Variants in USP22 observed in about 807,000 individuals in gnomAD.
USP22 encodes ubiquitin specific peptidase 22, also known as ubiquitin carboxyl-terminal hydrolase 22.
Under a neutral mutation model 68.1 loss-of-function variants are expected in USP22, and 22 were observed. The ratio of observed to expected loss-of-function variants is 0.32; its 90% confidence interval spans 0.23 to 0.46. USP22 has a LOEUF of 0.46. Ranked by LOEUF, USP22 falls within the 20% of genes least tolerant of loss-of-function variation. The pLI is 1.00. For synonymous variants in USP22, 279 were observed against 274.2 expected (o/e 1.02, Z -0.17); for missense variants, 433 against 695.8 (o/e 0.62, Z 4.25).
intron 3 of USP22, among the ~76,000 whole-genome samples, chr17:21,020,244 C>CAAAAAAAAAAAAAAA (rs3047597): frequency 4.8e-4 from 35 of 73,280 alleles, no homozygotes; most frequent in East Asian, 6.4e-4. Context: ...AATCAAAAAC[C>CAAAAAAAAAAAAAAA]AAAAAAAAAA....
chr17:21,026,757 G>T (rs972238709), intron 2 of USP22, among the ~76,000 whole-genome samples: 3 of 151,726 alleles, frequency 2.0e-5, no homozygotes, highest in Admixed American at 2.0e-4. Flanking sequence ...TTGAGCCCAG[G>T]AGTTCAAGAC....
intron 5 of USP22, among the ~76,000 whole-genome samples, chr17:21,016,211 T>C (rs531225847): frequency 5.3e-5 from 8 of 152,320 alleles, no homozygotes; most frequent in Admixed American, 4.6e-4. Context: ...AATACTAGTT[T>C]CCTCAAAGCA....
intron 1 of USP22, among the ~76,000 whole-genome samples, chr17:21,030,505 T>C (rs1181687697): frequency 6.6e-6 from 1 of 152,098 alleles, no homozygotes; most frequent in East Asian, 1.9e-4. Flanking sequence ...CGGGAAAAGA[T>C]TACCTCTACA....
At chr17:21,041,069 G>A (rs1027313630) in intron 1 of USP22, among the ~76,000 whole-genome samples, 1 of 151,814 alleles carries the variant, frequency 6.6e-6, no homozygotes, top group Admixed American at 6.6e-5. Context: ...ATTTTTAGTA[G>A]AGATGAGGTT....
At chr17:21,035,374 C>A (rs1044053658) in intron 1 of USP22, among the ~76,000 whole-genome samples, 1 of 152,158 alleles carries the variant, frequency 6.6e-6, no homozygotes, top group African/African-American at 2.4e-5. Context: ...ATCCATTAGG[C>A]GGGTCATTTT....
intron 1 of USP22, among the ~76,000 whole-genome samples, chr17:21,034,031 G>A (rs577384038): frequency 1.8e-4 from 28 of 151,944 alleles, no homozygotes; most frequent in African/African-American, 6.5e-4. Context: ...TTACAGGCAT[G>A]AGCCACCGTG....
At chr17:21,010,428 G>A (rs939987834) in intron 8 of USP22, among the ~76,000 whole-genome samples, 9 of 151,992 alleles carry the variant, frequency 5.9e-5, no homozygotes, top group African/African-American at 2.2e-4. Flanking sequence ...ATGCCTGTGA[G>A]CACTTTGGGA....
intron 1 of USP22, among the ~76,000 whole-genome samples, chr17:21,032,426 G>T (rs1236337414): frequency 6.6e-6 from 1 of 152,216 alleles, no homozygotes; most frequent in African/African-American, 2.4e-5. Flanking sequence ...AGACACAGGA[G>T]TAAGGTAGCA....
At chr17:21,003,206 CT>C in intron 12 of USP22, 133 bp from the exon 13 acceptor site, 4 of 1,035,960 alleles carry the variant, frequency 3.9e-6, no homozygotes, top group East Asian at 2.5e-5. Context: ...ATGGTTTTGG[CT>C]TTTTAGTCCG....
rs116151592 is a variant in USP22, at chr17:21,004,911, C to G, written c.1385+17G>C. ...GGCCAGAGGCCCTGGACACCCACAC[C>G]GCTAAGCACCACTTACTTGTTGTCA... On this transcript the variant is annotated intron_variant, in intron 11 of 12. Coordinates refer to ENST00000261497, the MANE Select transcript of USP22 (RefSeq NM_015276.2). The G allele has an allele frequency of 6.2e-7, 1 of 1,613,786 alleles. No homozygotes were observed. Among genetic ancestry groups the G allele is most frequent in the African/African-American group, 1.3e-5 (1 of 74,918 alleles).
chr17:21,042,605 G>GC, intron 1 of USP22, 60 bp downstream of exon 1: 2 of 1,257,536 alleles, frequency 1.6e-6, no homozygotes, highest in Non-Finnish European at 2.0e-6. Context: ...CCCTCCGCCG[G>GC]CCGGCCTCAG....
At chr17:21,027,973 A>C (rs74256011) in intron 2 of USP22, among the ~76,000 whole-genome samples, 1 of 152,094 alleles carries the variant, frequency 6.6e-6, no homozygotes, top group East Asian at 1.9e-4. Context: ...ATCTCAAAAA[A>C]AAGAAAAAGC....
chr17:21,011,083 T>A, intron 8 of USP22, 68 bp downstream of exon 8: 1 of 1,514,380 alleles, frequency 6.6e-7, no homozygotes, highest in Non-Finnish European at 8.8e-7. Flanking sequence ...AGCCCTGCTT[T>A]GGTCCTGATG....
At chr17:21,034,489 A>G (rs974225486) in intron 1 of USP22, among the ~76,000 whole-genome samples, 1 of 152,332 alleles carries the variant, frequency 6.6e-6, no homozygotes, top group Admixed American at 6.5e-5. Flanking sequence ...CAGTCTGAAA[A>G]TAGTAACATG....
At chr17:21,009,958 CAAAAAAAAAAAATTA>C (rs909442149) in intron 8 of USP22, among the ~76,000 whole-genome samples, 4 of 107,120 alleles carry the variant, frequency 3.7e-5, no homozygotes, top group South Asian at 3.0e-4. Flanking sequence ...GACTCCGTCT[CAAAAAAAAAAAATTA>C]AAAAAAAAAA....
Position 21,042,901 on chromosome 17 carries a change from C to A in USP22, c.-66G>T. The A allele has an allele frequency of 9.1e-7, 1 of 1,098,074 alleles. No individual in the cohort carries two copies. Among genetic ancestry groups the A allele is most frequent in the Non-Finnish European group, 1.1e-6 (1 of 871,544 alleles). 68.0% of individuals were successfully genotyped at this position (1,098,074 alleles called of 1,614,324 possible). A position where few individuals can be genotyped will look rare whatever the true frequency, so the allele number is the denominator to read the frequency against. ...GGAGGCGAGGACGACGCCAGCGCGG[C>A]GTGGGGGCTGCTCGGCGGCTGGCCA... On this transcript the variant is annotated 5_prime_UTR_variant, in exon 1 of 13. Coordinates refer to ENST00000261497, the MANE Select transcript of USP22 (RefSeq NM_015276.2).
intron 1 of USP22, among the ~76,000 whole-genome samples, chr17:21,030,590 T>TGGC (rs1972277788): frequency 1.3e-5 from 2 of 152,196 alleles, no homozygotes; most frequent in African/African-American, 2.4e-5. Flanking sequence ...GAGAACAACA[T>TGGC]GGCGGCGCCT....
At chr17:21,033,592 A>G (rs1459094765) in intron 1 of USP22, among the ~76,000 whole-genome samples, 2 of 152,166 alleles carry the variant, frequency 1.3e-5, no homozygotes, top group Admixed American at 6.5e-5. Context: ...TGCAAACATG[A>G]CACACCACCT....
At chr17:21,007,249 C>T (rs1337198893) in intron 9 of USP22, among the ~76,000 whole-genome samples, 3 of 152,162 alleles carry the variant, frequency 2.0e-5, no homozygotes, top group African/African-American at 7.2e-5. Context: ...TTACAGCAAA[C>T]CCAGCAAAGC....
Sources: gnomAD v4.1 joint callset for allele counts (sites outside exome capture counted in the v4.1 genomes callset) on GRCh38, gnomAD v4.1.1 for gene constraint, MANE v1.5 for transcripts, NCBI Gene and HGNC (gene_info 2026-07-23, HGNC 2026-07-21) for gene names.